OTOGL: variants seen among roughly 807,000 people sequenced by gnomAD.
The protein encoded by OTOGL is otogelin like.
OTOGL carries 285 observed loss-of-function variants against 318.5 expected under a neutral mutation model. The ratio of observed to expected loss-of-function variants is 0.89; its 90% CI spans 0.81 to 0.99. The LOEUF (loss-of-function observed/expected upper bound fraction) is 0.99, where lower values mean the gene tolerates loss of function less well. OTOGL is among the 50% of genes least tolerant of loss of function. The pLI is 0.00. For synonymous variants in OTOGL, 987 were observed against 936.5 expected (o/e 1.05, Z -0.99); for missense variants, 2,899 against 2,845.6 (o/e 1.02, Z -0.43).
chr12:80,282,728 A>G (rs1281796664), intron 26 of OTOGL, among the ~76,000 whole-genome samples: 1 of 151,950 alleles, frequency 6.6e-6, no homozygotes, highest in Non-Finnish European at 1.5e-5. Context: ...TAGAAATTTG[A>G]ACACATAAAC....
chr12:80,197,237 G>A (rs1403724731), intron 1 of OTOGL, among the ~76,000 whole-genome samples: 1 of 152,094 alleles, frequency 6.6e-6, no homozygotes, highest in African/African-American at 2.4e-5. Flanking sequence ...GATGGCTCAT[G>A]TCTCCCTAAA....
At chr12:80,186,981 T>C (rs945534685) in intron 1 of OTOGL, among the ~76,000 whole-genome samples, 17 of 152,194 alleles carry the variant, frequency 1.1e-4, no homozygotes, top group African/African-American at 3.9e-4. Flanking sequence ...ATTATCTAGC[T>C]TCAAAGATTG....
intron 34 of OTOGL, among the ~76,000 whole-genome samples, chr12:80,322,337 C>T (rs1887393181): frequency 6.6e-6 from 1 of 152,154 alleles, no homozygotes; most frequent in Non-Finnish European, 1.5e-5. Flanking sequence ...TAGAACCAGA[C>T]CTAGTAGCCC....
chr12:80,110,268 C>G (rs1184320980), intron 1 of OTOGL, among the ~76,000 whole-genome samples: 1 of 151,990 alleles, frequency 6.6e-6, no homozygotes. Context: ...GGGGTTTCAC[C>G]GTGTTAGCCA....
At chr12:80,327,293 A>G (rs573256946) in intron 35 of OTOGL, among the ~76,000 whole-genome samples, 1 of 152,114 alleles carries the variant, frequency 6.6e-6, no homozygotes, top group Non-Finnish European at 1.5e-5. Context: ...GAAATTTGAG[A>G]CTTTCCCTTG....
At position 80,125,310 on chromosome 12, in the gene OTOGL, C is replaced by T. The variant is rs542806119; in HGVS notation, c.-20+25705C>T. Among the ~76,000 whole-genome samples, 618 of 152,270 alleles carry T rather than the reference C, an allele frequency of 4.1e-3. 4 individuals are homozygous for T. The highest frequency in any genetic ancestry group is 0.014 in the African/African-American group (595 of 41,558). On this transcript the variant is annotated intron_variant, in intron 1 of 58. Transcript: ENST00000547103. ...ATTGAGATAATCATGTGGCTTTTGTCATTGGTTCTGTTTATATGCTGGATT... is the reference window on the plus strand; with the variant it reads ...ATTGAGATAATCATGTGGCTTTTGTTATTGGTTCTGTTTATATGCTGGATT...
chr12:80,299,068 C>A (rs181712168), intron 27 of OTOGL, among the ~76,000 whole-genome samples: 4 of 152,088 alleles, frequency 2.6e-5, no homozygotes, highest in African/African-American at 4.8e-5. Flanking sequence ...GTAATTGGAA[C>A]GGCTGATGCT....
chr12:80,219,949 T>G, intron 6 of OTOGL, 37 bp downstream of exon 6: 330 of 1,321,036 alleles, frequency 2.5e-4, no homozygotes, highest in Non-Finnish European at 3.2e-4. Flanking sequence ...AATTATGAGA[T>G]ACCAAGGAGA....
intron 4 of OTOGL, among the ~76,000 whole-genome samples, chr12:80,212,209 C>A (rs1019943480): frequency 6.6e-6 from 1 of 152,110 alleles, no homozygotes; most frequent in Non-Finnish European, 1.5e-5. Context: ...GAATAAAATA[C>A]ACATTTTTTT....
At chr12:80,365,975 C>A (rs548809133) in intron 52 of OTOGL, among the ~76,000 whole-genome samples, 3 of 152,100 alleles carry the variant, frequency 2.0e-5, no homozygotes, top group Non-Finnish European at 2.9e-5. Context: ...GTCATAGTAA[C>A]AATGTACTAA....
rs368246768 is a variant in OTOGL at position 80,171,813 on chromosome 12, G to T, written c.-19-37600G>T. The stretch of plus-strand genomic sequence containing the variant: ...ACACTAGATATCTCTCAATTTTATA[G>T]ATCTTTTCAACTAACTATCTTTTGA... On this transcript the variant is annotated intron_variant, in intron 1 of 58. Transcript: ENST00000547103. Among the ~76,000 whole-genome samples the T allele has an allele frequency of 5.5e-4, 84 of 152,054 alleles. 1 individual carries two copies. In the South Asian group the frequency reaches 0.017, roughly 30 times the overall value.
At chr12:80,367,016 A>G (rs1890583022) in intron 53 of OTOGL, among the ~76,000 whole-genome samples, 3 of 151,968 alleles carry the variant, frequency 2.0e-5, no homozygotes, top group Non-Finnish European at 4.4e-5. Flanking sequence ...TTGCTCTGTT[A>G]CCCAGGCTGG....
intron 32 of OTOGL, among the ~76,000 whole-genome samples, chr12:80,315,801 A>G (rs1336236636): frequency 1.3e-5 from 2 of 152,330 alleles, no homozygotes; most frequent in Admixed American, 1.3e-4. Flanking sequence ...ACATTAAAAA[A>G]TATCTGTGGT....
chr12:80,289,229 C>T lies in OTOGL; in HGVS notation c.2929-7598C>T, dbSNP rs1884857740. On this transcript the variant is annotated intron_variant, in intron 26 of 58. Coordinates refer to ENST00000547103, the MANE Select transcript of OTOGL (RefSeq NM_001378609.3). The stretch of plus-strand genomic sequence containing the variant: ...GCCTGGGTGTTACCTGCGGAGGCTG[C>T]AGAACAGCAAAGATTGCTGCCTGCT... 2.6e-5 allele frequency among the ~76,000 whole-genome samples: 4 copies of T among 152,294 alleles called. No individual in the cohort carries two copies. In the East Asian group the frequency reaches 7.7e-4, roughly 29 times the overall value.
In OTOGL at chr12:80,379,982, C is replaced by T. The variant is rs1891373504; in HGVS notation, c.*1934C>T. The T allele has an allele frequency of 6.6e-6, 1 of 151,958 alleles. No homozygotes were observed. Among genetic ancestry groups the T allele is most frequent in the Non-Finnish European group, 1.5e-5 (1 of 67,918 alleles). 9.4% of individuals were successfully genotyped at this position (151,958 alleles called of 1,614,324 possible). On this transcript the variant is annotated 3_prime_UTR_variant, in exon 59 of 59. Coordinates refer to ENST00000547103, the MANE Select transcript of OTOGL (RefSeq NM_001378609.3). ...GAATGTCCAGAAAGAGATCCCAAAACTTATTAGAATGTGGCATATCATAAA... is the reference window on the plus strand; with the variant it reads ...GAATGTCCAGAAAGAGATCCCAAAATTTATTAGAATGTGGCATATCATAAA...
At chr12:80,209,365 T>C in intron 1 of OTOGL, 48 bp from the exon 2 acceptor site, 1 of 1,076,748 alleles carries the variant, frequency 9.3e-7, no homozygotes, top group Non-Finnish European at 1.3e-6. Context: ...ATATGCATAC[T>C]TCTAAGATGC....
At chr12:80,249,910 TG>T (rs907920532) in intron 11 of OTOGL, among the ~76,000 whole-genome samples, 2 of 152,108 alleles carry the variant, frequency 1.3e-5, no homozygotes, top group African/African-American at 2.4e-5. Context: ...AATATTCGGG[TG>T]GGAGTGACCC....
At chr12:80,367,868 A>G (rs1051496699) in intron 54 of OTOGL, 129 bp downstream of exon 54, 4 of 639,870 alleles carry the variant, frequency 6.3e-6, no homozygotes, top group Non-Finnish European at 9.5e-6. Context: ...ATAGTCTACT[A>G]TTTTGTAATA....
intron 1 of OTOGL, among the ~76,000 whole-genome samples, chr12:80,181,871 T>A (rs985415864): frequency 6.6e-6 from 1 of 152,138 alleles, no homozygotes; most frequent in African/African-American, 2.4e-5. Context: ...TTGAGACATA[T>A]ACTTTACATA....
Sources: allele counts gnomAD v4.1 joint callset (sites outside exome capture counted in the v4.1 genomes callset), GRCh38; gene constraint gnomAD v4.1.1; transcripts MANE v1.5; gene names NCBI Gene and HGNC (gene_info 2026-07-23, HGNC 2026-07-21).